VIPR1: variants seen among roughly 807,000 people sequenced by gnomAD.
VIPR1 encodes the protein vasoactive intestinal polypeptide receptor 1.
In VIPR1, 59 loss-of-function variants were observed where a neutral mutation model predicts 58.8. That is an observed-to-expected ratio of 1.00 (90% confidence interval 0.81 to 1.25). VIPR1 has a LOEUF of 1.25. VIPR1 is among the 50% of genes most tolerant of loss of function. VIPR1 has a pLI of 0.00. For synonymous variants in VIPR1, 251 were observed against 242.1 expected (o/e 1.04, Z -0.34); for missense variants, 626 against 602.7 (o/e 1.04, Z -0.40).
intron 1 of VIPR1, among the ~76,000 whole-genome samples, chr3:42,495,367 C>G (rs927808809): frequency 1.3e-5 from 2 of 152,120 alleles, no homozygotes; most frequent in African/African-American, 2.4e-5. Context: ...GTGATCTGCC[C>G]TCCTTGGCCT....
At chr3:42,503,310 A>C (rs1206696659) in intron 1 of VIPR1, among the ~76,000 whole-genome samples, 2 of 152,164 alleles carry the variant, frequency 1.3e-5, no homozygotes, top group Non-Finnish European at 2.9e-5. Flanking sequence ...TCTTGGGATC[A>C]GGTGAGTGAC....
rs1456540471 is a variant in VIPR1 at position 42,502,739 on chromosome 3, C to A, written c.4C>A (p.Arg2Ser). Residue 2 changes from arginine to serine, a missense_variant, in exon 1 of 13, where the codon CGC (arginine) becomes AGC (serine). By Grantham distance (110) the Arg-to-Ser change is moderately radical. Coordinates refer to ENST00000325123, the MANE Select transcript of VIPR1 (RefSeq NM_004624.4). Reference sequence around the variant, plus strand: ...CGCCGCGGGCTCAGGGCAGACCATGCGCCCGCCAAGTCCGCTGCCCGCCCG... The same window carrying A: ...CGCCGCGGGCTCAGGGCAGACCATGAGCCCGCCAAGTCCGCTGCCCGCCCG... MRPPSPLPARWL... is the reference protein window; with the variant it reads MSPPSPLPARWL... The A allele has an allele frequency of 1.5e-6, 2 of 1,317,568 alleles. No individual in the cohort carries two copies. Among genetic ancestry groups the A allele is most frequent in the African/African-American group, 1.5e-5 (1 of 64,934 alleles). The allele number at this position is 1,317,568 out of a possible 1,614,324, so 81.6% of individuals were successfully genotyped here.
chr3:42,511,865 A>T (rs1040510216), intron 1 of VIPR1: 1 of 152,178 alleles, frequency 6.6e-6, no homozygotes, highest in Non-Finnish European at 1.5e-5. Context: ...AACAGCCACA[A>T]ATCCCTTGAG....
chr3:42,535,547 A>C (rs1473182961), intron 12 of VIPR1, among the ~76,000 whole-genome samples, 163 bp downstream of exon 12: 2 of 152,206 alleles, frequency 1.3e-5, no homozygotes, highest in Non-Finnish European at 2.9e-5. Flanking sequence ...CTTGTTAAAA[A>C]TGCGCATCTC....
At chr3:42,508,779 A>T (rs1700236095) in intron 1 of VIPR1, 1 of 152,136 alleles carries the variant, frequency 6.6e-6, no homozygotes, top group African/African-American at 2.4e-5. Flanking sequence ...CTTGCCTCCC[A>T]ACTACAAGGG....
At chr3:42,521,992 C>A (rs1700946725) in intron 3 of VIPR1, among the ~76,000 whole-genome samples, 1 of 149,446 alleles carries the variant, frequency 6.7e-6, no homozygotes, top group South Asian at 2.1e-4. Flanking sequence ...ATGATCCTCC[C>A]ACCTCAGCCT....
At chr3:42,490,489 C>T (rs186150997) in intron 1 of VIPR1, among the ~76,000 whole-genome samples, 1 of 152,328 alleles carries the variant, frequency 6.6e-6, no homozygotes, top group East Asian at 1.9e-4. Flanking sequence ...TTACCCAGAC[C>T]TGTGCAAACA....
chr3:42,489,715 A>G (rs988751975), intron 1 of VIPR1: 2 of 152,462 alleles, frequency 1.3e-5, no homozygotes, highest in African/African-American at 4.8e-5. Flanking sequence ...GCCTCAGACT[A>G]AGGGCTCCTC....
intron 1 of VIPR1, among the ~76,000 whole-genome samples, chr3:42,495,312 G>A (rs989561174): frequency 3.9e-5 from 6 of 152,022 alleles, no homozygotes; most frequent in Admixed American, 1.3e-4. Context: ...TAGTAGAGAC[G>A]GGGTTTCACC....
intron 1 of VIPR1, chr3:42,507,069 C>A (rs1355507312): frequency 6.6e-6 from 1 of 152,170 alleles, no homozygotes; most frequent in African/African-American, 2.4e-5. Flanking sequence ...ACCTTTTACC[C>A]CAAATCATTT....
intron 1 of VIPR1, among the ~76,000 whole-genome samples, chr3:42,497,003 T>A (rs1407951206): frequency 1.3e-5 from 2 of 152,158 alleles, no homozygotes; most frequent in African/African-American, 2.4e-5. Flanking sequence ...CACACACTAA[T>A]CTCTGGTGGC....
At chr3:42,510,621 C>T (rs1700316184) in intron 1 of VIPR1, among the ~76,000 whole-genome samples, 1 of 152,136 alleles carries the variant, frequency 6.6e-6, no homozygotes, top group Non-Finnish European at 1.5e-5. Context: ...GACTTAGGTC[C>T]CATCTGGGAA....
At chr3:42,535,417 A>G (rs988697959) in intron 12 of VIPR1, 33 bp downstream of exon 12, 5 of 1,609,976 alleles carry the variant, frequency 3.1e-6, no homozygotes, top group Non-Finnish European at 2.6e-6. Context: ...GGCTTAGGCA[A>G]TGGAACTCCC....
intron 2 of VIPR1, chr3:42,516,977 C>A (rs1256966563): frequency 6.6e-6 from 1 of 152,236 alleles, no homozygotes; most frequent in Non-Finnish European, 1.5e-5. Context: ...ACCTGAAGTG[C>A]CCCTACTCAG....
chr3:42,531,623 A>T lies in VIPR1; in HGVS notation c.851+92A>T, dbSNP rs369577158. On this transcript the variant is annotated intron_variant, in intron 8 of 12. Transcript: ENST00000325123. ...AATGCCATCTGGCCTTGGTGAGTGG[A>T]CAAAAACCACAGCTCTCGGGCCAGA... 3,301 of 1,567,602 alleles carry T rather than the reference A, an allele frequency of 2.1e-3. 7 individuals are homozygous for T. The highest frequency in any genetic ancestry group is 0.011 in the Middle Eastern group (67 of 5,962).
chr3:42,531,048 C>T (rs1701517795), intron 7 of VIPR1, 116 bp downstream of exon 7: 2 of 1,311,452 alleles, frequency 1.5e-6, no homozygotes, highest in Non-Finnish European at 2.1e-6. Flanking sequence ...AGCTGCAGGT[C>T]CTGCCTGCAA....
rs111391404 is a variant in VIPR1 at position 42,535,047 on chromosome 3, G to A, written c.1083G>A (p.Pro361=). ...GVHYIMFAFF[P]DNFKPEVKMV... Reference sequence around the variant, plus strand: ...ACTACATCATGTTCGCCTTCTTTCCGGACAATTTTAAGCCTGAAGTGAAGA... The same window carrying A: ...ACTACATCATGTTCGCCTTCTTTCCAGACAATTTTAAGCCTGAAGTGAAGA... The change falls in exon 11 of 13, where the codon CCG becomes CCA. Residue 361 remains proline (P), a synonymous_variant. Transcript: ENST00000325123. The A allele has an allele frequency of 3.1e-4, 507 of 1,614,148 alleles. 3 individuals carry two copies. The African/African-American group carries it at 5.7e-3, about 18-fold the overall frequency.
In VIPR1 at chr3:42,536,831, T is replaced by C. The variant is rs895; in HGVS notation, c.*550T>C. The C allele has an allele frequency of 0.64, 97,947 of 152,278 alleles. 32,597 individuals are homozygous for C. Among genetic ancestry groups the C allele is most frequent in the African/African-American group, 0.82 (33,908 of 41,530 alleles). The allele number at this position is 152,278 out of a possible 1,614,324, so 9.4% of individuals were successfully genotyped here. A position where few individuals can be genotyped will look rare whatever the true frequency, so the allele number is the denominator to read the frequency against. On this transcript the variant is annotated 3_prime_UTR_variant, in exon 13 of 13. Transcript: ENST00000325123. The stretch of plus-strand genomic sequence containing the variant: ...TACCCTATTCTCTCTTTACGCTTAG[T>C]TATCAGCTTTTTAAAGTGGGTTATT...
chr3:42,531,487 C>A lies in VIPR1; in HGVS notation c.807C>A (p.Phe269Leu). The A allele has an allele frequency of 6.3e-7, 1 of 1,588,948 alleles. No individual in the cohort carries two copies. The highest frequency in any genetic ancestry group is 8.6e-7 in the Non-Finnish European group (1 of 1,166,628). The change falls in exon 8 of 13, where the codon TTC becomes TTA. Residue 269 changes from phenylalanine to leucine, a missense_variant. Transcript: ENST00000325123. ...ILIGWGVPSTFTMVWTIARIH... is the reference protein window; with the variant it reads ...ILIGWGVPSTLTMVWTIARIH... ...GCCTGACAGGGGTACCCAGCACATTCACCATGGTGTGGACCATCGCCAGGA... is the reference window on the plus strand; with the variant it reads ...GCCTGACAGGGGTACCCAGCACATTAACCATGGTGTGGACCATCGCCAGGA...
Sources: allele counts gnomAD v4.1 joint callset (sites outside exome capture counted in the v4.1 genomes callset), GRCh38; gene constraint gnomAD v4.1.1; transcripts MANE v1.5; gene names NCBI Gene and HGNC (gene_info 2026-07-23, HGNC 2026-07-21).